ACAP1: variants seen among roughly 807,000 people sequenced by gnomAD.
The protein encoded by ACAP1 is arf-GAP with coiled-coil, ANK repeat and PH domain-containing protein 1.
In ACAP1, 45 loss-of-function variants were observed where a neutral mutation model predicts 98.8. The observed-to-expected ratio is 0.46, with a 90% CI of 0.36 to 0.58. The LOEUF (loss-of-function observed/expected upper bound fraction) is 0.58, where lower values mean the gene tolerates loss of function less well. Ranked by LOEUF, ACAP1 falls within the 20% of genes least tolerant of loss-of-function variation. The pLI, the probability that ACAP1 is intolerant of heterozygous loss-of-function variation, is 0.00. For missense variants in ACAP1, 735 were observed against 971.4 expected, an observed-to-expected ratio of 0.76 and a Z score of 3.24; for synonymous variants, 362 against 375.3, an observed-to-expected ratio of 0.96 and a Z score of 0.41.
Position 7,344,258 on chromosome 17 carries a change from T to C in ACAP1, c.744+135T>C. 1 of 1,047,512 alleles carries C rather than the reference T, an allele frequency of 9.5e-7. No individual in the cohort carries two copies. The allele number at this position is 1,047,512 out of a possible 1,614,324, so 64.9% of individuals were successfully genotyped here. A position where few individuals can be genotyped will look rare whatever the true frequency, so the allele number is the denominator to read the frequency against. On this transcript the variant is annotated intron_variant, in intron 9 of 21. Transcript: ENST00000158762. This position sits in a 1 kb window ranked among gnomAD's most constrained non-coding sequence, Gnocchi z 4.9. ...GAAACTCCATCTCTACAGAAAATTT[T>C]AAAATTAGCTGGTGTGGTGGCATGC... is the stretch of plus-strand genomic sequence containing the variant.
In ACAP1 at chr17:7,349,980, C is replaced by G; in HGVS notation, c.1887C>G (p.Asn629Lys). Residue 629 changes from asparagine to lysine, a missense_variant, in exon 19 of 22, where the codon AAC becomes AAG. Physicochemically the swap from Asn to Lys is moderately conservative, Grantham distance 94. Around this residue, in one of 5 missense-constraint regions of ACAP1, gnomAD observed 142 missense variants for 224.1 expected, o/e 0.63. Coordinates refer to ENST00000158762, the MANE Select transcript of ACAP1 (RefSeq NM_014716.4). ...TGGCCTGTGAGTTTCTCCTCCAGAA[C>G]GGGGCGAACGTGAACCAAGCGGACA... ...SLLACEFLLQNGANVNQADSA... is the reference protein window; with the variant it reads ...SLLACEFLLQKGANVNQADSA... 6.2e-7 allele frequency: 1 copy of G among 1,612,750 alleles called. No individual in the cohort carries two copies. Among genetic ancestry groups the G allele is most frequent in the Non-Finnish European group, 8.5e-7 (1 of 1,179,094 alleles).
Position 7,350,336 on chromosome 17 carries a change from C to A in ACAP1, c.2072+99C>A, listed in dbSNP as rs1452317416. 3.9e-6 allele frequency: 4 copies of A among 1,019,060 alleles called. No homozygotes were observed. In the East Asian group the frequency reaches 7.8e-5, roughly 20 times the overall value. 63.1% of individuals were successfully genotyped at this position (1,019,060 alleles called of 1,614,324 possible). A position where few individuals can be genotyped will look rare whatever the true frequency, so the allele number is the denominator to read the frequency against. On this transcript the variant is annotated intron_variant, in intron 20 of 21. Coordinates refer to ENST00000158762, the MANE Select transcript of ACAP1 (RefSeq NM_014716.4). The surrounding 1 kb of genome is among the most constrained non-coding windows in gnomAD (Gnocchi z 4.6). ...GGCGGGGCTGACGCCGAAACAGAAGCCTGTGCTGTGGGGCCTCGGAAAGGG... is the reference window on the plus strand; with the variant it reads ...GGCGGGGCTGACGCCGAAACAGAAGACTGTGCTGTGGGGCCTCGGAAAGGG...
In ACAP1 at chr17:7,350,558, C is replaced by A. The variant is rs1178158140; in HGVS notation, c.2072+321C>A. 7 of 448,612 alleles carry A rather than the reference C, an allele frequency of 1.6e-5. No homozygotes were observed. In the Admixed American group the frequency reaches 2.4e-4, roughly 15 times the overall value. The allele number at this position is 448,612 out of a possible 1,614,324, so 27.8% of individuals were successfully genotyped here. On this transcript the variant is annotated intron_variant, in intron 20 of 21. Transcript: ENST00000158762. The surrounding 1 kb of genome is among the most constrained non-coding windows in gnomAD (Gnocchi z 4.6). ...GACCCCGGGGGTGGGGGCAGATGAACGGAACGCAACCCAGCTCAAAGGATG... is the reference window on the plus strand; with the variant it reads ...GACCCCGGGGGTGGGGGCAGATGAAAGGAACGCAACCCAGCTCAAAGGATG...
At chr17:7,341,097 C>T (rs1463275441) in intron 2 of ACAP1, among the ~76,000 whole-genome samples, 5 of 152,184 alleles carry the variant, frequency 3.3e-5, no homozygotes, top group African/African-American at 1.2e-4. Context: ...TATGAGGGAA[C>T]GTGCAGTGAG....
chr17:7,347,784 C>A, intron 14 of ACAP1, 138 bp from the exon 15 acceptor site: 1 of 687,268 alleles, frequency 1.5e-6, no homozygotes, highest in Non-Finnish European at 2.6e-6. Flanking sequence ...ATGGCCGCAG[C>A]TGCCCTGCCT....
At position 7,343,374 on chromosome 17, in the gene ACAP1, C is replaced by T. The variant is rs2073311674; in HGVS notation, c.345-5C>T. On this transcript the variant is annotated splice_polypyrimidine_tract_variant and splice_region_variant and intron_variant, in intron 5 of 21. Transcript: ENST00000158762. This position sits in a 1 kb window ranked among gnomAD's most constrained non-coding sequence, Gnocchi z 4.9. ...TGCGATTCTGTGTTATTTTCCCATCCTCAGAGGTCTGCGGGGTTTCCGAGA... is the reference window on the plus strand; with the variant it reads ...TGCGATTCTGTGTTATTTTCCCATCTTCAGAGGTCTGCGGGGTTTCCGAGA... 6.2e-7 allele frequency: 1 copy of T among 1,610,260 alleles called. No individual in the cohort carries two copies. Among genetic ancestry groups the T allele is most frequent in the African/African-American group, 1.3e-5 (1 of 74,804 alleles).
At position 7,350,777 on chromosome 17, in the gene ACAP1, A is replaced by G; in HGVS notation, c.2073-173A>G. ...AGGCGTGCGCCACCACCCCCGGCTA[A>G]TTTTTTGTATTTTTAGTAGAGACGG... is the stretch of plus-strand genomic sequence containing the variant. On this transcript the variant is annotated intron_variant, in intron 20 of 21. Coordinates refer to ENST00000158762, the MANE Select transcript of ACAP1 (RefSeq NM_014716.4). This position sits in a 1 kb window ranked among gnomAD's most constrained non-coding sequence, Gnocchi z 4.6. 1 of 591,950 alleles carries G rather than the reference A, an allele frequency of 1.7e-6. No homozygotes were observed. Among genetic ancestry groups the G allele is most frequent in the Non-Finnish European group, 3.0e-6 (1 of 336,276 alleles). 36.7% of individuals were successfully genotyped at this position (591,950 alleles called of 1,614,324 possible).
In ACAP1 at chr17:7,343,550, T is replaced by C; in HGVS notation, c.516T>C (p.Asp172=). 6.2e-7 allele frequency: 1 copy of C among 1,612,892 alleles called. No homozygotes were observed. The highest frequency in any genetic ancestry group is 8.5e-7 in the Non-Finnish European group (1 of 1,179,230). ...ARAGYRGRAL[D]YALQINVIED... ...CTGGGTACCGGGGACGGGCACTGGA[T>C]TATGCCCTGCAGGTGCCTGCCCCAA... The change falls in exon 6 of 22, where the codon GAT becomes GAC. Residue 172 remains aspartate (D), a synonymous_variant. Coordinates refer to ENST00000158762, the MANE Select transcript of ACAP1 (RefSeq NM_014716.4). This position sits in a 1 kb window ranked among gnomAD's most constrained non-coding sequence, Gnocchi z 4.9.
rs569058289 is a variant in ACAP1 at position 7,350,649 on chromosome 17, C to A, written c.2073-301C>A. On this transcript the variant is annotated intron_variant, in intron 20 of 21. Coordinates refer to ENST00000158762, the MANE Select transcript of ACAP1 (RefSeq NM_014716.4). This position sits in a 1 kb window ranked among gnomAD's most constrained non-coding sequence, Gnocchi z 4.6. ...TTTGAGACGGAGTCTCACTCTGTCG[C>A]CCAGGCTAGAGTGCAGGGGCGCGAT... 1.9e-4 allele frequency: 77 copies of A among 407,972 alleles called. No homozygotes were observed. Among genetic ancestry groups the A allele is most frequent in the Non-Finnish European group, 2.8e-4 (63 of 225,512 alleles). 25.3% of individuals were successfully genotyped at this position (407,972 alleles called of 1,614,324 possible).
intron 15 of ACAP1, 40 bp downstream of exon 15, chr17:7,348,031 G>C: frequency 1.9e-6 from 3 of 1,612,658 alleles, no homozygotes; most frequent in South Asian, 1.1e-5. Context: ...CAAGAACTTG[G>C]GGTGGGGCAA....
At chr17:7,342,179 G>C in intron 3 of ACAP1, 96 bp from the exon 4 acceptor site, 1 of 1,603,404 alleles carries the variant, frequency 6.2e-7, no homozygotes, top group South Asian at 1.1e-5. Flanking sequence ...GCAGGGCTGG[G>C]CTGCTGTCCA....
At chr17:7,349,871 GCC>G in intron 18 of ACAP1, 72 bp from the exon 19 acceptor site, 1 of 1,244,930 alleles carries the variant, frequency 8.0e-7, no homozygotes, top group Middle Eastern at 2.0e-4. Flanking sequence ...CTGAACTGGC[GCC>G]ACCCTAAGAC....
intron 2 of ACAP1, among the ~76,000 whole-genome samples, chr17:7,338,407 C>T (rs1326313740): frequency 6.6e-6 from 1 of 152,000 alleles, no homozygotes; most frequent in Non-Finnish European, 1.5e-5. Flanking sequence ...GTGTGCACCA[C>T]CACACCTGGA....
At position 7,350,864 on chromosome 17, in the gene ACAP1, C is replaced by A; in HGVS notation, c.2073-86C>A. The A allele has an allele frequency of 3.0e-6, 4 of 1,336,082 alleles. No individual in the cohort carries two copies. The highest frequency in any genetic ancestry group is 4.3e-6 in the Non-Finnish European group (4 of 931,066). The allele number at this position is 1,336,082 out of a possible 1,614,324, so 82.8% of individuals were successfully genotyped here. On this transcript the variant is annotated intron_variant, in intron 20 of 21. Coordinates refer to ENST00000158762, the MANE Select transcript of ACAP1 (RefSeq NM_014716.4). This position sits in a 1 kb window ranked among gnomAD's most constrained non-coding sequence, Gnocchi z 4.6. The stretch of plus-strand genomic sequence containing the variant: ...TGACCTCGTGATCCGCCTGCCTCGG[C>A]CTCCCAAAGTGTTGGGATTACAGGC...
chr17:7,351,430 C>T lies in ACAP1; in HGVS notation c.*35C>T. On this transcript the variant is annotated 3_prime_UTR_variant, in exon 22 of 22. Coordinates refer to ENST00000158762, the MANE Select transcript of ACAP1 (RefSeq NM_014716.4). ...CACGGGGCCCGCGCCTGCCTCCCTTCCCCGCCACCGGGCCCTCTGCCATTA... is the reference window on the plus strand; with the variant it reads ...CACGGGGCCCGCGCCTGCCTCCCTTTCCCGCCACCGGGCCCTCTGCCATTA... 1.3e-6 allele frequency: 2 copies of T among 1,503,810 alleles called. No homozygotes were observed. The highest frequency in any genetic ancestry group is 4.6e-5 in the East Asian group (2 of 43,500). 93.2% of individuals were successfully genotyped at this position (1,503,810 alleles called of 1,614,324 possible).
Position 7,343,809 on chromosome 17 carries a change from A to G in ACAP1, c.574-52A>G. On this transcript the variant is annotated intron_variant, in intron 7 of 21. Coordinates refer to ENST00000158762, the MANE Select transcript of ACAP1 (RefSeq NM_014716.4). The surrounding 1 kb of genome is among the most constrained non-coding windows in gnomAD (Gnocchi z 4.9). Reference sequence around the variant, plus strand: ...AAGAGCCTGCTGCCAGCACAAGGGAATGGGGAGAGGGGTTCTTCCTCAGCC... The same window carrying G: ...AAGAGCCTGCTGCCAGCACAAGGGAGTGGGGAGAGGGGTTCTTCCTCAGCC... 6.2e-7 allele frequency: 1 copy of G among 1,613,396 alleles called. No individual in the cohort carries two copies. The highest frequency in any genetic ancestry group is 8.5e-7 in the Non-Finnish European group (1 of 1,179,592).
At chr17:7,351,109 C>T in intron 21 of ACAP1, 110 bp downstream of exon 21, 1 of 1,244,446 alleles carries the variant, frequency 8.0e-7, no homozygotes, top group Non-Finnish European at 1.2e-6. Flanking sequence ...CGTTATTTAA[C>T]AAATGCGTAT....
intron 5 of ACAP1, 34 bp downstream of exon 5, chr17:7,342,508 G>A (rs779644367): frequency 1.7e-5 from 27 of 1,609,056 alleles, no homozygotes; most frequent in East Asian, 2.2e-5. Flanking sequence ...GCTCATGCCT[G>A]TAATCCCAAC....
At chr17:7,339,619 C>T (rs142398898) in intron 2 of ACAP1, among the ~76,000 whole-genome samples, 3 of 152,350 alleles carry the variant, frequency 2.0e-5, no homozygotes, top group African/African-American at 7.2e-5. Flanking sequence ...CGTGCCACTG[C>T]ACTCCGGCGT....
Sources: allele counts gnomAD v4.1 joint callset (sites outside exome capture counted in the v4.1 genomes callset), GRCh38; gene constraint gnomAD v4.1.1; regional missense constraint gnomAD v4.1.1; non-coding constraint Gnocchi (gnomAD v3.1); transcripts MANE v1.5; gene names NCBI Gene and HGNC (gene_info 2026-07-23, HGNC 2026-07-21).